NRXN3: variants seen among roughly 807,000 people sequenced by gnomAD.
NRXN3 encodes the protein neurexin 3, also known as neurexin III.
NRXN3 carries 32 observed loss-of-function variants against 137.6 expected under a neutral mutation model. The ratio of observed to expected loss-of-function variants is 0.23; its 90% CI spans 0.18 to 0.31. The LOEUF (loss-of-function observed/expected upper bound fraction) is 0.31. Among genes scored for constraint, NRXN3 ranks in the 10% least tolerant of loss-of-function variants. The pLI, the probability that NRXN3 is intolerant of heterozygous loss-of-function variation, is 1.00. For synonymous variants in NRXN3, 798 were observed against 784.5 expected, an observed-to-expected ratio of 1.02 and a Z score of -0.29; for missense variants, 1,574 against 2,062.5, an observed-to-expected ratio of 0.76 and a Z score of 4.59.
chr14:78,670,901 T>C (rs1331004058), intron 6 of NRXN3, among the ~76,000 whole-genome samples: 1 of 152,022 alleles, frequency 6.6e-6, no homozygotes, highest in Non-Finnish European at 1.5e-5. Flanking sequence ...TTTTGATGGG[T>C]TGAGTGGGAA....
intron 16 of NRXN3, among the ~76,000 whole-genome samples, chr14:79,480,156 G>A (rs2096594195): frequency 6.6e-6 from 1 of 152,124 alleles, no homozygotes; most frequent in Non-Finnish European, 1.5e-5. Flanking sequence ...CTAATGTCTA[G>A]CAGCAGAGTA....
chr14:78,849,117 G>C (rs1264509674), intron 10 of NRXN3, among the ~76,000 whole-genome samples: 1 of 152,110 alleles, frequency 6.6e-6, no homozygotes, highest in Non-Finnish European at 1.5e-5. Flanking sequence ...TATGAAGCTA[G>C]AGACAGTATA....
chr14:78,545,799 T>G (rs1348088756), intron 4 of NRXN3, among the ~76,000 whole-genome samples: 2 of 152,232 alleles, frequency 1.3e-5, no homozygotes, highest in Non-Finnish European at 2.9e-5. Context: ...CCTCTTTCCC[T>G]CAGGAACTCT....
At chr14:79,127,051 G>A (rs1486614363) in intron 15 of NRXN3, among the ~76,000 whole-genome samples, 1 of 152,014 alleles carries the variant, frequency 6.6e-6, no homozygotes, top group African/African-American at 2.4e-5. Context: ...ATTTGTTTGA[G>A]TTCATTGTAG....
intron 4 of NRXN3, among the ~76,000 whole-genome samples, chr14:78,636,794 A>G (rs1226035330): frequency 6.6e-6 from 1 of 152,188 alleles, no homozygotes; most frequent in African/African-American, 2.4e-5. Context: ...AGGCATGTGC[A>G]GTACAATTGG....
chr14:78,470,050 T>C (rs1409567939), intron 4 of NRXN3, among the ~76,000 whole-genome samples: 1 of 152,264 alleles, frequency 6.6e-6, no homozygotes, highest in African/African-American at 2.4e-5. Context: ...TCATAAATCA[T>C]TCTTGGCAGA....
At chr14:79,742,169 T>TATCA (rs1314636792) in intron 19 of NRXN3, among the ~76,000 whole-genome samples, 1 of 150,162 alleles carries the variant, frequency 6.7e-6, no homozygotes, top group African/African-American at 2.5e-5. Context: ...ATGACATTCC[T>TATCA]ATCATTGTTA....
chr14:79,625,511 T>C (rs980394134), intron 16 of NRXN3, among the ~76,000 whole-genome samples: 25 of 152,166 alleles, frequency 1.6e-4, no homozygotes, highest in African/African-American at 6.0e-4. Flanking sequence ...CTAGTTCTAA[T>C]TGTTTGAGGA....
chr14:78,262,898 C>G (rs1480334929), intron 2 of NRXN3, among the ~76,000 whole-genome samples: 1 of 152,104 alleles, frequency 6.6e-6, no homozygotes, highest in Non-Finnish European at 1.5e-5. Flanking sequence ...CCTTTTATTC[C>G]CATTTTACAG....
intron 15 of NRXN3, among the ~76,000 whole-genome samples, chr14:79,015,324 C>T (rs1005285300): frequency 1.3e-5 from 2 of 152,186 alleles, no homozygotes; most frequent in Non-Finnish European, 2.9e-5. Context: ...TCCAAGCCCT[C>T]CCTGCTGCTC....
chr14:78,509,145 C>T (rs1806127654), intron 4 of NRXN3, among the ~76,000 whole-genome samples: 1 of 152,004 alleles, frequency 6.6e-6, no homozygotes, highest in African/African-American at 2.4e-5. Context: ...ACTAAAAATA[C>T]AAAAATTATT....
chr14:79,608,432 T>G (rs2098051478), intron 16 of NRXN3, among the ~76,000 whole-genome samples: 3 of 151,952 alleles, frequency 2.0e-5, no homozygotes, highest in Non-Finnish European at 4.4e-5. Context: ...CTCTTGGAGG[T>G]GGTGGATTGA....
At chr14:79,250,240 T>C (rs1346468827) in intron 15 of NRXN3, among the ~76,000 whole-genome samples, 1 of 152,108 alleles carries the variant, frequency 6.6e-6, no homozygotes, top group African/African-American at 2.4e-5. Context: ...AATGAGGTAA[T>C]ATAATTGGAC....
At chr14:78,622,819 C>T (rs558705347) in intron 4 of NRXN3, among the ~76,000 whole-genome samples, 1 of 152,326 alleles carries the variant, frequency 6.6e-6, no homozygotes, top group Non-Finnish European at 1.5e-5. Flanking sequence ...ATTTGGTAAA[C>T]TTTGCAAAGC....
chr14:79,856,618 CTTT>C (rs34929411), intron 20 of NRXN3, among the ~76,000 whole-genome samples: 2 of 143,542 alleles, frequency 1.4e-5, no homozygotes, highest in Middle Eastern at 3.6e-3. Flanking sequence ...TTTTTTTGTT[CTTT>C]TTTTTTTTTT....
intron 15 of NRXN3, among the ~76,000 whole-genome samples, chr14:79,407,749 C>T (rs2095341896): frequency 1.3e-5 from 2 of 152,136 alleles, no homozygotes; most frequent in South Asian, 4.1e-4. Flanking sequence ...AGTACTGTCA[C>T]TTTCTAGGTG....
chr14:79,316,021 A>G (rs917113120), intron 15 of NRXN3, among the ~76,000 whole-genome samples: 1 of 152,304 alleles, frequency 6.6e-6, no homozygotes, highest in Middle Eastern at 3.4e-3. Flanking sequence ...GGCTGAATCC[A>G]TTGCTTTGTA....
intron 4 of NRXN3, among the ~76,000 whole-genome samples, chr14:78,497,163 A>G (rs2153764826): frequency 6.6e-6 from 1 of 152,180 alleles, no homozygotes; most frequent in South Asian, 2.1e-4. Context: ...CTGATTGCAC[A>G]TTTTCATGGA....
intron 15 of NRXN3, among the ~76,000 whole-genome samples, chr14:79,416,744 A>G (rs2095502477): frequency 6.6e-6 from 1 of 152,102 alleles, no homozygotes; most frequent in South Asian, 2.1e-4. Flanking sequence ...TAGTCAGCCC[A>G]CTTTTCTTCT....
Sources: gnomAD v4.1 joint callset for allele counts (sites outside exome capture counted in the v4.1 genomes callset) on GRCh38, gnomAD v4.1.1 for gene constraint, MANE v1.5 for transcripts, NCBI Gene and HGNC (gene_info 2026-07-23, HGNC 2026-07-21) for gene names.